The following HTR2B variants were observed in gnomAD, a reference collection of about 807,000 sequenced individuals.
HTR2B encodes 5-hydroxytryptamine receptor 2B.
HTR2B carries 31 observed loss-of-function variants against 39.8 expected under a neutral mutation model. That is an observed-to-expected ratio of 0.78 (90% CI 0.58 to 1.05). The LOEUF (loss-of-function observed/expected upper bound fraction) is 1.05. Ranked by LOEUF, HTR2B falls within the 50% of genes least tolerant of loss-of-function variation. HTR2B has a pLI of 0.00. For synonymous variants in HTR2B, 210 were observed against 207.1 expected (o/e 1.01, Z -0.12); for missense variants, 562 against 578.0 (o/e 0.97, Z 0.28).
rs746531795 is a variant in HTR2B, at chr2:231,108,525, A to G, written c.1438T>C (p.Tyr480His). The G allele has an allele frequency of 6.8e-6, 11 of 1,613,098 alleles. No individual in the cohort carries two copies. Among genetic ancestry groups the G allele is most frequent in the Non-Finnish European group, 9.3e-6 (11 of 1,179,362 alleles). ...EGDKTEEQVS[Y>H]V ...GACAACTGCCAGTTCTGCTATACAT[A>G]ACTAACTTGCTCTTCAGTTTTGTCA... Residue 480 changes from tyrosine to histidine, a missense_variant, in exon 4 of 4, where the codon TAT becomes CAT. By Grantham distance (83) the Tyr-to-His change is moderately conservative. Transcript: ENST00000258400.
chr2:231,122,080 A>C (rs1488243843), intron 2 of HTR2B, among the ~76,000 whole-genome samples: 1 of 152,092 alleles, frequency 6.6e-6, no homozygotes, highest in African/African-American at 2.4e-5. Context: ...ATTATTTTTC[A>C]TGGTTTCATG....
At chr2:231,114,642 G>A (rs761373596) in intron 2 of HTR2B, among the ~76,000 whole-genome samples, 6 of 152,078 alleles carry the variant, frequency 3.9e-5, no homozygotes, top group Admixed American at 6.5e-5. Flanking sequence ...AGGGTTAGAC[G>A]TAGTACTTAA....
intron 3 of HTR2B, among the ~76,000 whole-genome samples, chr2:231,113,189 A>G (rs1488214269): frequency 6.6e-6 from 1 of 152,056 alleles, no homozygotes. Flanking sequence ...AAACCAAAAA[A>G]ACCCACTGAA....
rs541194021 is a variant in HTR2B, at chr2:231,110,213, A to G, written c.554-804T>C. Among the ~76,000 whole-genome samples, 21 of 152,218 alleles carry G rather than the reference A, an allele frequency of 1.4e-4. No individual in the cohort carries two copies. The South Asian group carries it at 2.3e-3, about 17-fold the overall frequency. On this transcript the variant is annotated intron_variant, in intron 3 of 3. Coordinates refer to ENST00000258400, the MANE Select transcript of HTR2B (RefSeq NM_000867.5). ...CACGCGCCTGTACTCCCAGCTACTCAGGAGGCTAAGGTGGGAGAATCACTT... is the reference window on the plus strand; with the variant it reads ...CACGCGCCTGTACTCCCAGCTACTCGGGAGGCTAAGGTGGGAGAATCACTT...
At chr2:231,116,060 C>G (rs951546561) in intron 2 of HTR2B, among the ~76,000 whole-genome samples, 1 of 152,050 alleles carries the variant, frequency 6.6e-6, no homozygotes, top group Non-Finnish European at 1.5e-5. Flanking sequence ...TGGGAGGCCT[C>G]TCAGAATAAA....
At chr2:231,121,678 T>C (rs1384213327) in intron 2 of HTR2B, among the ~76,000 whole-genome samples, 3 of 152,202 alleles carry the variant, frequency 2.0e-5, no homozygotes, top group African/African-American at 7.2e-5. Context: ...CTATGGTACT[T>C]TGCCTTTTAA....
intron 3 of HTR2B, among the ~76,000 whole-genome samples, chr2:231,112,717 A>G (rs1695194629): frequency 6.6e-6 from 1 of 152,176 alleles, no homozygotes; most frequent in African/African-American, 2.4e-5. Context: ...GTTTTGAATG[A>G]TTTACGCATA....
chr2:231,122,813 A>G (rs1695591043), intron 2 of HTR2B, among the ~76,000 whole-genome samples: 1 of 152,184 alleles, frequency 6.6e-6, no homozygotes, highest in Non-Finnish European at 1.5e-5. Context: ...TCGATAGATC[A>G]TCTCTTTGGA....
In HTR2B at chr2:231,109,172, A is replaced by C. The variant is rs1485546970; in HGVS notation, c.791T>G (p.Val264Gly). The C allele has an allele frequency of 1.9e-6, 3 of 1,614,202 alleles. No individual in the cohort carries two copies. Among genetic ancestry groups the C allele is most frequent in the Non-Finnish European group, 1.7e-6 (2 of 1,180,032 alleles). Residue 264 changes from valine to glycine, a missense_variant, in exon 4 of 4, where the codon GTG (valine) becomes GGG (glycine). Val to Gly is a moderately radical substitution (Grantham distance 109). Coordinates refer to ENST00000258400, the MANE Select transcript of HTR2B (RefSeq NM_000867.5). Reference sequence around the variant, plus strand: ...TTCATCCCTTTGGAAAACTGTAGACACAGTCAACCATGTTAGGCGTTGAGG... The same window carrying C: ...TTCATCCCTTTGGAAAACTGTAGACCCAGTCAACCATGTTAGGCGTTGAGG... ...KPPQRLTWLT[V>G]STVFQRDETP...
At chr2:231,114,051 A>G (rs1559236406) in intron 2 of HTR2B, 122 bp from the exon 3 acceptor site, 1 of 758,674 alleles carries the variant, frequency 1.3e-6, no homozygotes, top group Non-Finnish European at 2.3e-6. Context: ...TATAACTTTA[A>G]CAACATAATG....
At chr2:231,121,593 G>C (rs1695546199) in intron 2 of HTR2B, among the ~76,000 whole-genome samples, 1 of 152,056 alleles carries the variant, frequency 6.6e-6, no homozygotes, top group African/African-American at 2.4e-5. Flanking sequence ...TTTTTCTATA[G>C]AATACATGGA....
chr2:231,113,590 A>G (rs1463560143), intron 3 of HTR2B, 139 bp downstream of exon 3: 1 of 791,716 alleles, frequency 1.3e-6, no homozygotes, highest in East Asian at 2.4e-5. Context: ...GCAGTGACAT[A>G]AGGAGCTTAT....
In HTR2B at chr2:231,108,621, G is replaced by T; in HGVS notation, c.1342C>A (p.Leu448Ile). Reference protein sequence around the residue: ...NPAMYQSPMRLRSSTIQSSSI... With the variant: ...NPAMYQSPMRIRSSTIQSSSI... ...GAAGACTGAATGGTTGAACTTCGGA[G>T]CCTCATTGGACTCTGGTACATGGCA... Residue 448 changes from leucine to isoleucine, a missense_variant, in exon 4 of 4, where the codon CTC becomes ATC. Transcript: ENST00000258400. 1 of 1,613,936 alleles carries T rather than the reference G, an allele frequency of 6.2e-7. No individual in the cohort carries two copies. Among genetic ancestry groups the T allele is most frequent in the Non-Finnish European group, 8.5e-7 (1 of 1,179,910 alleles).
chr2:231,111,060 A>C (rs1695141418), intron 3 of HTR2B, among the ~76,000 whole-genome samples: 1 of 152,070 alleles, frequency 6.6e-6, no homozygotes, highest in South Asian at 2.1e-4. Context: ...CCTCCATGAC[A>C]TTTGTTCATC....
At chr2:231,116,798 TTTTC>T (rs1225784106) in intron 2 of HTR2B, among the ~76,000 whole-genome samples, 1 of 152,096 alleles carries the variant, frequency 6.6e-6, no homozygotes, top group African/African-American at 2.4e-5. Context: ...TGATACAGAA[TTTTC>T]TTTAAGAAAG....
intron 2 of HTR2B, among the ~76,000 whole-genome samples, chr2:231,117,194 ACTTTAT>A (rs1695372131): frequency 6.6e-6 from 1 of 152,066 alleles, no homozygotes; most frequent in Non-Finnish European, 1.5e-5. Flanking sequence ...ATGGTGAAAT[ACTTTAT>A]TTCAAAACGT....
intron 3 of HTR2B, among the ~76,000 whole-genome samples, chr2:231,110,251 C>G (rs1695110970): frequency 6.6e-6 from 1 of 150,888 alleles, no homozygotes; most frequent in South Asian, 2.1e-4. Context: ...ACCCAGGAGG[C>G]CGAGGTTGCA....
chr2:231,123,298 A>G, intron 2 of HTR2B, 115 bp downstream of exon 2: 1 of 812,696 alleles, frequency 1.2e-6, no homozygotes, highest in South Asian at 1.4e-5. Context: ...CGTATCTTTA[A>G]ATAGTCCAAG....
At chr2:231,120,333 T>C (rs1482930555) in intron 2 of HTR2B, among the ~76,000 whole-genome samples, 5 of 152,240 alleles carry the variant, frequency 3.3e-5, no homozygotes, top group Non-Finnish European at 1.5e-5. Context: ...CTGTCTTTTT[T>C]ATATCAGCAT....
Sources: gnomAD v4.1 joint callset for allele counts (sites outside exome capture counted in the v4.1 genomes callset) on GRCh38, gnomAD v4.1.1 for gene constraint, MANE v1.5 for transcripts, NCBI Gene and HGNC (gene_info 2026-07-23, HGNC 2026-07-21) for gene names.